Variants in RANGAP1 observed in about 807,000 individuals in gnomAD.
RANGAP1 encodes the protein ran GTPase-activating protein 1.
RANGAP1 carries 38 observed loss-of-function variants against 63.5 expected under a neutral mutation model. The ratio of observed to expected loss-of-function variants is 0.60; its 90% confidence interval spans 0.46 to 0.78. The LOEUF is 0.78. RANGAP1 is among the 30% of genes least tolerant of loss of function. The pLI, the probability that RANGAP1 is intolerant of heterozygous loss-of-function variation, is 0.00. For synonymous variants in RANGAP1, 329 were observed against 310.5 expected, an observed-to-expected ratio of 1.06 and a Z score of -0.63; for missense variants, 630 against 740.3, an observed-to-expected ratio of 0.85 and a Z score of 1.73.
the RANGAP1 span, among the ~76,000 whole-genome samples, chr22:41,292,430 G>T: frequency 6.6e-6 from 1 of 152,002 alleles, no homozygotes; most frequent in African/African-American, 2.4e-5. Context: ...GATTACAGGC[G>T]TGAGTCACTG....
At chr22:41,294,972 G>T in the RANGAP1 span, among the ~76,000 whole-genome samples, 1 of 128,444 alleles carries the variant, frequency 7.8e-6, no homozygotes, top group Non-Finnish European at 1.7e-5. Context: ...CATCTGGGAG[G>T]GAGGTGGGGG....
intron 15 of RANGAP1, among the ~76,000 whole-genome samples, chr22:41,247,265 C>T (rs943658607): frequency 1.3e-5 from 2 of 152,084 alleles, no homozygotes; most frequent in African/African-American, 4.8e-5. Context: ...CCATGTTAGC[C>T]AGGATGGTCT....
chr22:41,277,848 T>C (rs184262053), intron 2 of RANGAP1, among the ~76,000 whole-genome samples: 2 of 152,294 alleles, frequency 1.3e-5, no homozygotes, highest in African/African-American at 2.4e-5. Context: ...CTTGTTTTCA[T>C]AGAGTATATT....
At chr22:41,280,545 G>A in intron 2 of RANGAP1, 1 of 715,112 alleles carries the variant, frequency 1.4e-6, no homozygotes, top group Non-Finnish European at 2.0e-6. Flanking sequence ...CTCAGCTCTG[G>A]GGAAAGCTGC....
intron 4 of RANGAP1, among the ~76,000 whole-genome samples, chr22:41,266,386 A>C (rs1173297566): frequency 6.6e-6 from 1 of 152,206 alleles, no homozygotes; most frequent in African/African-American, 2.4e-5. Flanking sequence ...CCATTCCTAC[A>C]GAGTCAAGTA....
intron 3 of RANGAP1, among the ~76,000 whole-genome samples, chr22:41,273,818 G>A (rs2034981901): frequency 7.1e-6 from 1 of 141,300 alleles, no homozygotes; most frequent in African/African-American, 2.6e-5. Context: ...GCTCATGCCT[G>A]TAATCCCAGC....
At chr22:41,252,760 G>A (rs545667507) in intron 12 of RANGAP1, 112 bp downstream of exon 12, 82 of 1,264,218 alleles carry the variant, frequency 6.5e-5, no homozygotes, top group South Asian at 4.7e-4. Flanking sequence ...AAGCCTCCCT[G>A]CCCCCAGCTG....
intron 3 of RANGAP1, among the ~76,000 whole-genome samples, chr22:41,269,029 G>A (rs983219432): frequency 1.3e-5 from 2 of 152,210 alleles, no homozygotes; most frequent in African/African-American, 2.4e-5. Flanking sequence ...TGTAAGGAAT[G>A]TCAGCTTTCC....
the RANGAP1 span, among the ~76,000 whole-genome samples, chr22:41,291,209 A>G: frequency 6.6e-6 from 1 of 152,352 alleles, no homozygotes; most frequent in East Asian, 1.9e-4. Context: ...ATTGAAAAGG[A>G]TGGTGTCTAT....
At chr22:41,282,550 C>T (rs1025966670) in intron 1 of RANGAP1, 12 of 152,242 alleles carry the variant, frequency 7.9e-5, no homozygotes, top group African/African-American at 2.7e-4. Context: ...TCTCGATCTC[C>T]TGACCTCGTG....
At chr22:41,280,433 TG>T (rs1409510292) in intron 2 of RANGAP1, among the ~76,000 whole-genome samples, 3 of 152,224 alleles carry the variant, frequency 2.0e-5, no homozygotes, top group African/African-American at 7.2e-5. Context: ...TTGCAATACC[TG>T]TATACACACA....
chr22:41,250,727 A>G (rs183968704), intron 13 of RANGAP1, among the ~76,000 whole-genome samples: 1 of 152,268 alleles, frequency 6.6e-6, no homozygotes, highest in East Asian at 1.9e-4. Context: ...TTGGGCTTGC[A>G]GATGTGACTA....
chr22:41,294,294 T>C, the RANGAP1 span, among the ~76,000 whole-genome samples: 9 of 152,350 alleles, frequency 5.9e-5, no homozygotes, highest in South Asian at 1.9e-3. Context: ...CCGCGAGTGA[T>C]GCACCAGCCT....
At chr22:41,249,304 C>G in intron 15 of RANGAP1, 26 bp downstream of exon 15, 1 of 1,567,422 alleles carries the variant, frequency 6.4e-7, no homozygotes, top group Non-Finnish European at 8.7e-7. Flanking sequence ...GGGCAGGCAC[C>G]GGCAGAAGGA....
chr22:41,294,036 T>TTCTCCC, the RANGAP1 span, among the ~76,000 whole-genome samples: 51,945 of 151,050 alleles, frequency 0.34, 9,398 homozygotes, highest in Admixed American at 0.51. Context: ...CTCCCTCTCC[T>TTCTCCC]TCTCCCTCTC....
intron 5 of RANGAP1, among the ~76,000 whole-genome samples, chr22:41,262,217 G>A (rs116134910): frequency 0.011 from 1,704 of 152,278 alleles, 29 homozygotes; most frequent in African/African-American, 0.039. Flanking sequence ...CCTGTCCCTG[G>A]TGTGGTGCCA....
rs778059609 is a variant in RANGAP1 at position 41,261,530 on chromosome 22, G to A, written c.531C>T (p.Gly177=). The change falls in exon 6 of 16, where the codon GGC becomes GGT. Residue 177 remains glycine, a synonymous_variant. Transcript: ENST00000356244. ...CAAAGACCTTCAGGGCCAGAGGCTT[G>A]CCTTGGGCACTGGATTTCCGGTGAC... ...TECHRKSSAQ[G]KPLALKVFVA... is the part of the protein sequence containing the mutation. 75 of 1,614,122 alleles carry A rather than the reference G, an allele frequency of 4.6e-5. No individual in the cohort carries two copies. Among genetic ancestry groups the A allele is most frequent in the Non-Finnish European group, 6.0e-5 (71 of 1,180,054 alleles).
chr22:41,297,271 CTCT>C, the RANGAP1 span, among the ~76,000 whole-genome samples: 1 of 151,484 alleles, frequency 6.6e-6, no homozygotes, highest in African/African-American at 2.5e-5. Context: ...GAGGAATTCT[CTCT>C]TCTTTGCAGG....
intron 4 of RANGAP1, among the ~76,000 whole-genome samples, chr22:41,267,782 G>A (rs1054608036): frequency 6.6e-6 from 1 of 152,146 alleles, no homozygotes; most frequent in African/African-American, 2.4e-5. Context: ...GAAAGGCGGG[G>A]CAATCATATT....
Sources: allele counts gnomAD v4.1 joint callset (sites outside exome capture counted in the v4.1 genomes callset), GRCh38; gene constraint gnomAD v4.1.1; transcripts MANE v1.5; gene names NCBI Gene and HGNC (gene_info 2026-07-23, HGNC 2026-07-21).